KCNH8: variants seen among roughly 807,000 people sequenced by gnomAD.
KCNH8 encodes potassium voltage-gated channel subfamily H member 8, also known as voltage-gated delayed rectifier potassium channel KCNH8.
In KCNH8, 70 loss-of-function variants were observed where a neutral mutation model predicts 103.6. The ratio of observed to expected loss-of-function variants is 0.68; its 90% CI spans 0.56 to 0.82. The LOEUF is 0.82. Among genes scored for constraint, KCNH8 ranks in the 40% least tolerant of loss-of-function variants. The pLI is 0.00. For missense variants in KCNH8, 1,217 were observed against 1,329.9 expected (o/e 0.92, Z 1.32); for synonymous variants, 498 against 489.4 (o/e 1.02, Z -0.23).
chr3:19,454,400 T>A (rs775706550), intron 10 of KCNH8, among the ~76,000 whole-genome samples: 10 of 152,174 alleles, frequency 6.6e-5, no homozygotes, highest in Admixed American at 4.6e-4. Context: ...GCCTGCCTAA[T>A]GATTCAGCCT....
chr3:19,165,291 C>T (rs1042330202), intron 1 of KCNH8, among the ~76,000 whole-genome samples: 7 of 152,216 alleles, frequency 4.6e-5, no homozygotes, highest in African/African-American at 1.4e-4. Flanking sequence ...TAGAATGACA[C>T]GTCCTCTGCA....
intron 1 of KCNH8, among the ~76,000 whole-genome samples, chr3:19,228,152 G>GT (rs569299204): frequency 5.3e-4 from 80 of 152,162 alleles, no homozygotes; most frequent in Admixed American, 8.5e-4. Flanking sequence ...CTCACCTCCT[G>GT]TTTTTTTGAA....
intron 11 of KCNH8, among the ~76,000 whole-genome samples, chr3:19,460,902 G>C (rs1447409058): frequency 6.6e-6 from 1 of 152,064 alleles, no homozygotes; most frequent in East Asian, 1.9e-4. Flanking sequence ...TCCTCTCCCT[G>C]CTGCCATGTA....
intron 7 of KCNH8, among the ~76,000 whole-genome samples, chr3:19,434,448 T>C (rs947857682): frequency 6.6e-6 from 1 of 152,202 alleles, no homozygotes; most frequent in African/African-American, 2.4e-5. Context: ...TATCTCTCAG[T>C]CACTTCTGCA....
intron 7 of KCNH8, among the ~76,000 whole-genome samples, chr3:19,435,507 C>A (rs1393223360): frequency 6.6e-6 from 1 of 152,098 alleles, no homozygotes; most frequent in Non-Finnish European, 1.5e-5. Flanking sequence ...AAAATGTTGA[C>A]CATGTGCTAA....
intron 5 of KCNH8, among the ~76,000 whole-genome samples, chr3:19,359,902 T>C (rs2065926480): frequency 6.6e-6 from 1 of 152,032 alleles, no homozygotes; most frequent in African/African-American, 2.4e-5. Flanking sequence ...AACCACAAGG[T>C]ACTGAGCACA....
intron 1 of KCNH8, among the ~76,000 whole-genome samples, chr3:19,226,283 A>G (rs2063930446): frequency 6.6e-6 from 1 of 152,200 alleles, no homozygotes; most frequent in Non-Finnish European, 1.5e-5. Context: ...TGGTATAATT[A>G]TATATGTTTG....
chr3:19,250,326 C>T (rs2064260507), intron 1 of KCNH8, among the ~76,000 whole-genome samples: 1 of 151,780 alleles, frequency 6.6e-6, no homozygotes, highest in African/African-American at 2.4e-5. Context: ...GTAAAAAACC[C>T]AATGTAATAT....
chr3:19,220,339 T>C (rs1391302369), intron 1 of KCNH8, among the ~76,000 whole-genome samples: 2 of 152,242 alleles, frequency 1.3e-5, no homozygotes, highest in African/African-American at 2.4e-5. Flanking sequence ...TTACTTATCA[T>C]AGTGGCATGG....
intron 11 of KCNH8, among the ~76,000 whole-genome samples, chr3:19,506,490 AGTAG>A (rs1285680751): frequency 6.6e-6 from 1 of 152,172 alleles, no homozygotes; most frequent in East Asian, 1.9e-4. Flanking sequence ...TGAAATGGCC[AGTAG>A]GTAGGCACTT....
chr3:19,361,551 TG>T (rs372383071), intron 5 of KCNH8, among the ~76,000 whole-genome samples: 158 of 152,270 alleles, frequency 1.0e-3, no homozygotes, highest in African/African-American at 3.7e-3. Flanking sequence ...ATACCAACCA[TG>T]GGAGATACTT....
In KCNH8 at chr3:19,170,813, T is replaced by A. The variant is rs867243078; in HGVS notation, c.76+22018T>A. Among the ~76,000 whole-genome samples, 258 of 132,816 alleles carry A rather than the reference T, an allele frequency of 1.9e-3. 7 individuals are homozygous for A. Among genetic ancestry groups the A allele is most frequent in the African/African-American group, 4.9e-3 (176 of 35,616 alleles). The allele number at this position is 132,816 out of a possible 152,430, so 87.1% of individuals were successfully genotyped here. ...ACATATATATATATATATATATATT[T>A]TTTTTTTTTTTTTTGAGACGAAGTC... On this transcript the variant is annotated intron_variant, in intron 1 of 15. Transcript: ENST00000328405.
intron 5 of KCNH8, among the ~76,000 whole-genome samples, chr3:19,377,629 T>A (rs17005887): frequency 0.23 from 35,211 of 152,106 alleles, 4,486 homozygotes; most frequent in Middle Eastern, 0.31. Context: ...AGAGGTTCAA[T>A]GCCCAGGAGG....
intron 1 of KCNH8, among the ~76,000 whole-genome samples, chr3:19,176,695 T>A (rs149556325): frequency 0.013 from 1,997 of 152,254 alleles, 25 homozygotes; most frequent in South Asian, 0.03. Context: ...CTTTTGATTG[T>A]TTAATTTCAT....
intron 1 of KCNH8, among the ~76,000 whole-genome samples, chr3:19,168,161 C>T (rs956344301): frequency 6.6e-6 from 1 of 151,928 alleles, no homozygotes; most frequent in Non-Finnish European, 1.5e-5. Context: ...AGGTGCCTGC[C>T]GCCATGCCCA....
At chr3:19,515,474 T>G (rs2068858829) in intron 14 of KCNH8, 46 bp downstream of exon 14, 1 of 996,012 alleles carries the variant, frequency 1.0e-6, no homozygotes, top group African/African-American at 1.8e-5. Context: ...TATTTCTTAT[T>G]AACTTGTAAT....
At chr3:19,389,207 A>G (rs539499596) in intron 5 of KCNH8, among the ~76,000 whole-genome samples, 46 of 152,290 alleles carry the variant, frequency 3.0e-4, no homozygotes, top group African/African-American at 1.1e-3. Flanking sequence ...CTATATGTCA[A>G]AAGTCCAGGG....
Position 19,198,759 on chromosome 3 carries a change from G to A in KCNH8, c.76+49964G>A, listed in dbSNP as rs536519766. ...TTTTCAAATTTTTCTTAACACAAAG[G>A]AATGCACTATATTTAGTTTCTAGGG... On this transcript the variant is annotated intron_variant, in intron 1 of 15. Coordinates refer to ENST00000328405, the MANE Select transcript of KCNH8 (RefSeq NM_144633.3). Among the ~76,000 whole-genome samples, 9 of 152,110 alleles carry A rather than the reference G, an allele frequency of 5.9e-5. No individual in the cohort carries two copies. In the South Asian group the frequency reaches 6.2e-4, roughly 11 times the overall value.
intron 2 of KCNH8, among the ~76,000 whole-genome samples, chr3:19,269,821 A>T (rs2064562909): frequency 6.6e-6 from 1 of 152,132 alleles, no homozygotes. Flanking sequence ...CTATTTTTCA[A>T]GTGAAGGAGA....
Sources: allele counts gnomAD v4.1 joint callset (sites outside exome capture counted in the v4.1 genomes callset), GRCh38; gene constraint gnomAD v4.1.1; transcripts MANE v1.5; gene names NCBI Gene and HGNC (gene_info 2026-07-23, HGNC 2026-07-21).